Variants in DYM observed in about 807,000 individuals in gnomAD.
The protein encoded by DYM is dyggve-Melchior-Clausen syndrome protein.
DYM carries 78 observed loss-of-function variants against 93.1 expected under a neutral mutation model. The observed-to-expected ratio is 0.84, with a 90% CI of 0.70 to 1.01. The LOEUF (loss-of-function observed/expected upper bound fraction) is 1.01. Ranked by LOEUF, DYM falls within the 50% of genes least tolerant of loss-of-function variation. The probability of loss-of-function intolerance (pLI) is 0.00; values close to 1 mark genes in which losing one functional copy is unlikely to be tolerated. For missense variants in DYM, 789 were observed against 845.0 expected, an observed-to-expected ratio of 0.93 and a Z score of 0.82; for synonymous variants, 321 against 319.7, an observed-to-expected ratio of 1.00 and a Z score of -0.04.
chr18:49,238,531 T>C (rs1399563651), intron 13 of DYM, among the ~76,000 whole-genome samples: 1 of 152,062 alleles, frequency 6.6e-6, no homozygotes, highest in East Asian at 1.9e-4. Flanking sequence ...TTAACTGTTG[T>C]ATTAGTTCCC....
At chr18:49,340,199 G>A (rs934807018) in intron 6 of DYM, among the ~76,000 whole-genome samples, 3 of 151,998 alleles carry the variant, frequency 2.0e-5, no homozygotes, top group South Asian at 2.1e-4. Flanking sequence ...TGATCCGCCC[G>A]CCTCGGCCTA....
intron 17 of DYM, among the ~76,000 whole-genome samples, chr18:49,064,902 C>A (rs1351219598): frequency 6.6e-6 from 1 of 150,630 alleles, no homozygotes; most frequent in Non-Finnish European, 1.5e-5. Context: ...TTTATAGTCA[C>A]TTCATGACTA....
At chr18:49,199,447 G>C (rs2091820087) in intron 14 of DYM, among the ~76,000 whole-genome samples, 1 of 152,042 alleles carries the variant, frequency 6.6e-6, no homozygotes, top group South Asian at 2.1e-4. Flanking sequence ...GTCCTATTTT[G>C]ACTTATACTG....
intron 14 of DYM, among the ~76,000 whole-genome samples, chr18:49,184,997 A>G (rs1428140370): frequency 6.6e-6 from 1 of 152,162 alleles, no homozygotes; most frequent in Non-Finnish European, 1.5e-5. Context: ...TGGTCAGGGA[A>G]GGCTTCACTG....
At chr18:49,386,945 CTT>C (rs575238087) in intron 3 of DYM, among the ~76,000 whole-genome samples, 20 of 138,280 alleles carry the variant, frequency 1.4e-4, no homozygotes, top group Non-Finnish European at 1.9e-4. Flanking sequence ...TATTTATTTA[CTT>C]TTTTTTTTTT....
At chr18:49,044,690 G>T (rs1455392755) in intron 17 of DYM, among the ~76,000 whole-genome samples, 1 of 152,220 alleles carries the variant, frequency 6.6e-6, no homozygotes, top group East Asian at 1.9e-4. Context: ...CCGGTGGAGG[G>T]GGGCTACTCT....
intron 8 of DYM, among the ~76,000 whole-genome samples, chr18:49,326,324 G>A (rs2062873411): frequency 6.6e-6 from 1 of 151,794 alleles, no homozygotes; most frequent in African/African-American, 2.4e-5. Context: ...AAACAGAAAG[G>A]AAACAATTTT....
chr18:49,381,996 A>C (rs552937072), intron 3 of DYM, among the ~76,000 whole-genome samples: 1 of 152,196 alleles, frequency 6.6e-6, no homozygotes, highest in Non-Finnish European at 1.5e-5. Flanking sequence ...ATCCAAACAA[A>C]ATGCTGAAAC....
intron 13 of DYM, among the ~76,000 whole-genome samples, chr18:49,231,968 T>C (rs1002642741): frequency 6.6e-6 from 1 of 152,218 alleles, no homozygotes; most frequent in Non-Finnish European, 1.5e-5. Flanking sequence ...TTAGTATTCA[T>C]AGATAAAAAA....
At chr18:49,210,529 G>T (rs2092730136) in intron 13 of DYM, among the ~76,000 whole-genome samples, 1 of 152,156 alleles carries the variant, frequency 6.6e-6, no homozygotes. Context: ...AAAGATTAGG[G>T]GTTGCCAGGA....
intron 11 of DYM, among the ~76,000 whole-genome samples, chr18:49,259,011 C>A (rs934964371): frequency 6.6e-6 from 1 of 151,924 alleles, no homozygotes; most frequent in Non-Finnish European, 1.5e-5. Flanking sequence ...CAGGCTCAGC[C>A]GAGCACTAGA....
chr18:49,394,872 C>T (rs113838309), intron 2 of DYM, among the ~76,000 whole-genome samples: 1,771 of 152,152 alleles, frequency 0.012, 51 homozygotes, highest in South Asian at 0.076. Flanking sequence ...TTGACAAAGG[C>T]ATCAAGAACA....
chr18:49,327,466 C>T (rs1026290270), intron 8 of DYM, among the ~76,000 whole-genome samples: 13 of 152,024 alleles, frequency 8.6e-5, no homozygotes, highest in Admixed American at 6.6e-5. Flanking sequence ...AAGCGAACTA[C>T]CCACTTCAGA....
intron 13 of DYM, among the ~76,000 whole-genome samples, chr18:49,216,521 C>T (rs945289366): frequency 2.4e-4 from 36 of 152,208 alleles, no homozygotes; most frequent in African/African-American, 8.4e-4. Context: ...GGCAGACTGA[C>T]ATCTCACACG....
At chr18:49,375,193 G>GACACACACACACACAC (rs34631271) in intron 5 of DYM, among the ~76,000 whole-genome samples, 38 of 138,002 alleles carry the variant, frequency 2.8e-4, no homozygotes, top group African/African-American at 8.9e-4. Flanking sequence ...AAGGGGAAAA[G>GACACACACACACACAC]ACACACACAC....
chr18:49,058,082 T>C (rs1411279865), intron 17 of DYM, among the ~76,000 whole-genome samples: 3 of 152,016 alleles, frequency 2.0e-5, no homozygotes, highest in African/African-American at 7.3e-5. Flanking sequence ...CTCAAAGGAG[T>C]CCATCTTCTG....
chr18:49,101,528 G>A (rs553386642), intron 16 of DYM, among the ~76,000 whole-genome samples: 2 of 152,162 alleles, frequency 1.3e-5, no homozygotes, highest in Non-Finnish European at 2.9e-5. Flanking sequence ...TAATAGAAAT[G>A]AGAAGCTTTT....
At chr18:49,381,718 C>T (rs2068057696) in intron 3 of DYM, among the ~76,000 whole-genome samples, 1 of 152,170 alleles carries the variant, frequency 6.6e-6, no homozygotes, top group African/African-American at 2.4e-5. Flanking sequence ...TGGAGAATCC[C>T]ACTGTGAGTA....
chr18:49,376,380 T>C (rs1856047043), intron 5 of DYM, among the ~76,000 whole-genome samples: 1 of 152,182 alleles, frequency 6.6e-6, no homozygotes, highest in Non-Finnish European at 1.5e-5. Context: ...TTGTCCAGTA[T>C]CAGTAGAGGA....
Sources: allele counts gnomAD v4.1 joint callset (sites outside exome capture counted in the v4.1 genomes callset), GRCh38; gene constraint gnomAD v4.1.1; transcripts MANE v1.5; gene names NCBI Gene and HGNC (gene_info 2026-07-23, HGNC 2026-07-21).